The following MYO18B variants were observed in gnomAD, a reference collection of about 807,000 sequenced individuals.
MYO18B encodes myosin XVIIIB.
MYO18B carries 204 observed loss-of-function variants against 273.0 expected under a neutral mutation model. The observed-to-expected ratio is 0.75, with a 90% CI of 0.67 to 0.84. The LOEUF (loss-of-function observed/expected upper bound fraction) is 0.84, where lower values mean the gene tolerates loss of function less well. Ranked by LOEUF, MYO18B falls within the 40% of genes least tolerant of loss-of-function variation. The pLI is 0.00. For missense variants in MYO18B, 3,212 were observed against 3,287.6 expected (o/e 0.98, Z 0.56); for synonymous variants, 1,330 against 1,305.7 (o/e 1.02, Z -0.40).
intron 1 of MYO18B, among the ~76,000 whole-genome samples, chr22:25,749,738 T>G (rs1482596290): frequency 6.6e-6 from 1 of 152,156 alleles, no homozygotes; most frequent in East Asian, 1.9e-4. Context: ...GTTCTTTTCC[T>G]TCTTGGGGTG....
chr22:25,797,215 G>A (rs917894783), intron 11 of MYO18B, among the ~76,000 whole-genome samples: 5 of 152,160 alleles, frequency 3.3e-5, no homozygotes, highest in African/African-American at 9.7e-5. Context: ...GCAACAGAGC[G>A]AGACTCTGTC....
intron 40 of MYO18B, among the ~76,000 whole-genome samples, chr22:25,993,735 G>A (rs906265195): frequency 2.6e-5 from 4 of 152,120 alleles, no homozygotes; most frequent in Admixed American, 6.5e-5. Flanking sequence ...TTGTGGGTGC[G>A]AGACAGGCAA....
intron 21 of MYO18B, among the ~76,000 whole-genome samples, chr22:25,860,885 C>CTTTT: frequency 7.0e-6 from 1 of 143,568 alleles, no homozygotes; most frequent in African/African-American, 2.8e-5. Context: ...TATATCATTG[C>CTTTT]TATTTTTTTT....
chr22:25,919,863 A>G lies in MYO18B; in HGVS notation c.5365-1394A>G, dbSNP rs1601575946. On this transcript the variant is annotated intron_variant, in intron 33 of 43. Transcript: ENST00000335473. ...GGAACACATTCGAGGTCTTCAGACA[A>G]TACTCATAATCCTTTATATTTGCAA... Among the ~76,000 whole-genome samples the G allele has an allele frequency of 3.3e-5, 5 of 152,356 alleles. No homozygotes were observed. In the South Asian group the frequency reaches 8.3e-4, roughly 25 times the overall value.
chr22:25,799,245 A>G (rs1569036218), intron 12 of MYO18B, among the ~76,000 whole-genome samples: 2 of 151,384 alleles, frequency 1.3e-5, no homozygotes. Flanking sequence ...GTTCCTTTCT[A>G]CAACATAGAC....
chr22:25,895,832 T>G (rs2091785557), intron 28 of MYO18B, among the ~76,000 whole-genome samples: 1 of 152,168 alleles, frequency 6.6e-6, no homozygotes, highest in African/African-American at 2.4e-5. Flanking sequence ...ATTTTTTTCC[T>G]TGTGTGTTTT....
intron 1 of MYO18B, among the ~76,000 whole-genome samples, chr22:25,752,833 A>G (rs2085975241): frequency 6.6e-6 from 1 of 151,986 alleles, no homozygotes; most frequent in Non-Finnish European, 1.5e-5. Flanking sequence ...GTGTGGAGGG[A>G]GGGACGCAGG....
chr22:25,955,081 AC>A, intron 38 of MYO18B, 97 bp from the exon 39 acceptor site: 1 of 1,270,068 alleles, frequency 7.9e-7, no homozygotes, highest in Non-Finnish European at 1.1e-6. Flanking sequence ...TTATGAAAAC[AC>A]AGGAAACTCG....
chr22:26,008,171 C>T (rs923035608), intron 42 of MYO18B, among the ~76,000 whole-genome samples: 2 of 152,106 alleles, frequency 1.3e-5, no homozygotes, highest in Admixed American at 1.3e-4. Context: ...CACAAGCTGC[C>T]ATGCTTTATT....
chr22:25,781,716 C>T lies in MYO18B; in HGVS notation c.2212-18C>T. 1 of 1,498,668 alleles carries T rather than the reference C, an allele frequency of 6.7e-7. No individual in the cohort carries two copies. The highest frequency in any genetic ancestry group is 1.4e-5 in the South Asian group (1 of 72,060). 92.8% of individuals were successfully genotyped at this position (1,498,668 alleles called of 1,614,324 possible). On this transcript the variant is annotated intron_variant, in intron 9 of 43. Transcript: ENST00000335473. ...GTACCCAAAGCACTGACTGGGTGCC[C>T]CTCTTCTCTCCCTGCAGACAATGCT...
chr22:25,975,101 T>C (rs1480081325), intron 39 of MYO18B, among the ~76,000 whole-genome samples: 1 of 152,188 alleles, frequency 6.6e-6, no homozygotes, highest in Non-Finnish European at 1.5e-5. Context: ...GCAGAACTGA[T>C]GGACCTGGCA....
At chr22:26,041,186 G>C in the MYO18B span, among the ~76,000 whole-genome samples, 19,456 of 151,388 alleles carry the variant, frequency 0.13, 1,693 homozygotes, top group African/African-American at 0.24. Context: ...ATTAGTGTTA[G>C]GGTATTTTAT....
At chr22:25,959,572 C>A (rs1246819461) in intron 39 of MYO18B, among the ~76,000 whole-genome samples, 1 of 152,156 alleles carries the variant, frequency 6.6e-6, no homozygotes, top group African/African-American at 2.4e-5. Flanking sequence ...CCGCTCCTGG[C>A]CTGTCTTCAT....
intron 12 of MYO18B, among the ~76,000 whole-genome samples, chr22:25,799,963 T>TGA (rs2088114830): frequency 3.9e-5 from 1 of 25,958 alleles, no homozygotes; most frequent in African/African-American, 6.8e-5. Flanking sequence ...AAAGAAAATG[T>TGA]GAGATATATA....
intron 17 of MYO18B, among the ~76,000 whole-genome samples, chr22:25,842,653 C>T (rs1167333919): frequency 1.1e-4 from 12 of 104,492 alleles, no homozygotes; most frequent in Admixed American, 3.8e-4. Flanking sequence ...GCCTGGGTGA[C>T]AAGAGTGAAA....
intron 36 of MYO18B, 33 bp from the exon 37 acceptor site, chr22:25,950,334 G>T: frequency 2.0e-6 from 3 of 1,501,086 alleles, no homozygotes; most frequent in Non-Finnish European, 2.7e-6. Context: ...GACTCAGGGT[G>T]ATATATATAC....
At chr22:25,785,546 G>A in intron 11 of MYO18B, 55 bp downstream of exon 11, 2 of 1,557,276 alleles carry the variant, frequency 1.3e-6, no homozygotes, top group Non-Finnish European at 1.8e-6. Context: ...GGGCTAGATG[G>A]GAGGGTGATG....
chr22:25,983,095 G>A (rs2093166031), intron 39 of MYO18B, among the ~76,000 whole-genome samples: 1 of 152,174 alleles, frequency 6.6e-6, no homozygotes. Context: ...TGGTGGCCGA[G>A]CACAGTGGTT....
At chr22:26,036,901 G>T in the MYO18B span, among the ~76,000 whole-genome samples, 2 of 152,188 alleles carry the variant, frequency 1.3e-5, no homozygotes, top group African/African-American at 4.8e-5. Context: ...GAGAGAGAAC[G>T]TAACAAGGGG....
Sources: allele counts gnomAD v4.1 joint callset (sites outside exome capture counted in the v4.1 genomes callset), GRCh38; gene constraint gnomAD v4.1.1; transcripts MANE v1.5; gene names NCBI Gene and HGNC (gene_info 2026-07-23, HGNC 2026-07-21).